Variants in UGT2B15 observed in about 807,000 individuals in gnomAD.
The protein encoded by UGT2B15 is UDP-glucuronosyltransferase 2B15.
In UGT2B15, 36 loss-of-function variants were observed where a neutral mutation model predicts 45.9. The ratio of observed to expected loss-of-function variants is 0.78; its 90% confidence interval spans 0.60 to 1.04. The LOEUF is 1.04. UGT2B15 is among the 50% of genes least tolerant of loss of function. The pLI, the probability that UGT2B15 is intolerant of heterozygous loss-of-function variation, is 0.00. For synonymous variants in UGT2B15, 219 were observed against 216.4 expected (o/e 1.01, Z -0.11); for missense variants, 617 against 622.4 (o/e 0.99, Z 0.09).
chr4:68,654,935 T>C (rs1208934463), intron 4 of UGT2B15, among the ~76,000 whole-genome samples, 160 bp downstream of exon 4: 3 of 152,144 alleles, frequency 2.0e-5, no homozygotes, highest in Admixed American at 6.6e-5. Flanking sequence ...TAGTGCATTC[T>C]TTTTATACTA....
intron 4 of UGT2B15, among the ~76,000 whole-genome samples, chr4:68,654,884 C>T (rs530641740): frequency 2.6e-5 from 4 of 152,042 alleles, no homozygotes; most frequent in African/African-American, 9.6e-5. Context: ...TTATTCTGAC[C>T]ATAAAGAATG....
In UGT2B15 at chr4:68,668,105, G is replaced by A. The variant is rs1478326656; in HGVS notation, c.808C>T (p.Pro270Ser). ...RTYWDFEFPR[P>S]FLPNVDFVGG... is the part of the protein sequence containing the mutation. ...ACAAAATCAACATTTGGTAAGAATG[G>A]GCGAGGAAATTCAAAATCCCAATAG... Residue 270 changes from proline (P) to serine (S), a missense_variant, in exon 2 of 6, where the codon CCA becomes TCA. Coordinates refer to ENST00000338206, the MANE Select transcript of UGT2B15 (RefSeq NM_001076.4). The A allele has an allele frequency of 1.9e-6, 3 of 1,613,760 alleles. No individual in the cohort carries two copies. The highest frequency in any genetic ancestry group is 2.7e-5 in the African/African-American group (2 of 74,856).
intron 1 of UGT2B15, 32 bp downstream of exon 1, chr4:68,669,863 C>G: frequency 6.4e-7 from 1 of 1,564,026 alleles, no homozygotes; most frequent in South Asian, 1.2e-5. Context: ...AAAGTTAGAA[C>G]TTAATAAGCA....
chr4:68,652,838 G>A (rs1302637571), intron 5 of UGT2B15, among the ~76,000 whole-genome samples: 1 of 151,700 alleles, frequency 6.6e-6, no homozygotes, highest in Non-Finnish European at 1.5e-5. Context: ...AATAGAAAAA[G>A]ACAAAATATT....
At chr4:68,660,736 G>A (rs1427024818) in intron 3 of UGT2B15, among the ~76,000 whole-genome samples, 2 of 151,886 alleles carry the variant, frequency 1.3e-5, no homozygotes, top group Non-Finnish European at 2.9e-5. Context: ...CTTCAAAATA[G>A]TGTCTTCAGG....
chr4:68,652,362 C>A (rs1382213162), intron 5 of UGT2B15, among the ~76,000 whole-genome samples: 1 of 151,788 alleles, frequency 6.6e-6, no homozygotes. Context: ...TATTTGAATA[C>A]CCTTTATTTC....
In UGT2B15 at chr4:68,670,280, T is replaced by C. The variant is rs558921173; in HGVS notation, c.339A>G (p.Leu113=). Residue 113 remains leucine (L), a synonymous_variant, in exon 1 of 6, where the codon TTA becomes TTG. Coordinates refer to ENST00000338206, the MANE Select transcript of UGT2B15 (RefSeq NM_001076.4). Reference sequence around the variant, plus strand: ...CATAATATTCCCAACACAATTCTTGTAATTGTGAAAAATATGACCAAAATG... The same window carrying C: ...CATAATATTCCCAACACAATTCTTGCAATTGTGAAAAATATGACCAAAATG... ...KNTFWSYFSQ[L]QELCWEYYDY... is the part of the protein sequence containing the mutation. The C allele has an allele frequency of 6.2e-7, 1 of 1,614,092 alleles. No individual in the cohort carries two copies. Among genetic ancestry groups the C allele is most frequent in the African/African-American group, 1.3e-5 (1 of 75,038 alleles).
At chr4:68,649,074 TTTG>T (rs1732572252) in intron 5 of UGT2B15, among the ~76,000 whole-genome samples, 1 of 151,922 alleles carries the variant, frequency 6.6e-6, no homozygotes, top group South Asian at 2.1e-4. Context: ...ATTAGAATTT[TTTG>T]TTGACTGAAT....
Position 68,646,997 on chromosome 4 carries a change from A to G in UGT2B15, c.*107T>C. 2 of 1,491,446 alleles carry G rather than the reference A, an allele frequency of 1.3e-6. No homozygotes were observed. Among genetic ancestry groups the G allele is most frequent in the Non-Finnish European group, 1.8e-6 (2 of 1,113,024 alleles). 92.4% of individuals were successfully genotyped at this position (1,491,446 alleles called of 1,614,324 possible). A position where few individuals can be genotyped will look rare whatever the true frequency, so the allele number is the denominator to read the frequency against. On this transcript the variant is annotated 3_prime_UTR_variant, in exon 6 of 6. Coordinates refer to ENST00000338206, the MANE Select transcript of UGT2B15 (RefSeq NM_001076.4). ...TGTCTTAACAAGGTAAGTTGTGAAA[A>G]GATGTTTTGTCACAGGAAAAAGGAA...
At chr4:68,652,626 G>T (rs929646305) in intron 5 of UGT2B15, among the ~76,000 whole-genome samples, 1 of 151,084 alleles carries the variant, frequency 6.6e-6, no homozygotes, top group Non-Finnish European at 1.5e-5. Context: ...ATTTTTCATA[G>T]TATTTCCTTT....
Position 68,670,273 on chromosome 4 carries a change from A to T in UGT2B15, c.346T>A (p.Leu116Met). The change falls in exon 1 of 6, where the codon TTG becomes ATG. Residue 116 changes from leucine to methionine, a missense_variant. Coordinates refer to ENST00000338206, the MANE Select transcript of UGT2B15 (RefSeq NM_001076.4). ...FWSYFSQLQE[L>M]CWEYYDYSNK... ...CTGTAGTCATAATATTCCCAACACA[A>T]TTCTTGTAATTGTGAAAAATATGAC... The T allele has an allele frequency of 6.2e-7, 1 of 1,614,090 alleles. No homozygotes were observed. Among genetic ancestry groups the T allele is most frequent in the Non-Finnish European group, 8.5e-7 (1 of 1,179,986 alleles).
rs35791822 is a variant in UGT2B15 at position 68,646,877 on chromosome 4, C to A, written c.*227G>T. On this transcript the variant is annotated 3_prime_UTR_variant, in exon 6 of 6. Transcript: ENST00000338206. ...TTAACATTAGGTATATCTCCAAATGCTATCCTTCCCCCCATTGTATTTTTC... is the reference window on the plus strand; with the variant it reads ...TTAACATTAGGTATATCTCCAAATGATATCCTTCCCCCCATTGTATTTTTC... 0.2 allele frequency: 133,970 copies of A among 666,048 alleles called. 15,799 individuals are homozygous for A. Among genetic ancestry groups the A allele is most frequent in the Admixed American group, 0.26 (8,121 of 30,892 alleles). 41.3% of individuals were successfully genotyped at this position (666,048 alleles called of 1,614,324 possible).
chr4:68,651,270 T>C (rs1396668265), intron 5 of UGT2B15, among the ~76,000 whole-genome samples: 2 of 152,128 alleles, frequency 1.3e-5, no homozygotes, highest in Admixed American at 1.3e-4. Flanking sequence ...TCTCCTAGAG[T>C]TTTTATGGTT....
chr4:68,670,036 C>A lies in UGT2B15; in HGVS notation c.583G>T (p.Val195Leu), dbSNP rs143136322. 1.9e-6 allele frequency: 3 copies of A among 1,614,010 alleles called. No individual in the cohort carries two copies. Among genetic ancestry groups the A allele is most frequent in the Non-Finnish European group, 2.5e-6 (3 of 1,179,962 alleles). The change falls in exon 1 of 6, where the codon GTA (valine) becomes TTA (leucine). Residue 195 changes from valine (V) to leucine (L), a missense_variant. Val to Leu is a conservative substitution (Grantham distance 32). This residue lies in a region of UGT2B15 where 351 missense variants were observed against 342.1 expected (regional missense o/e 1.03). Coordinates refer to ENST00000338206, the MANE Select transcript of UGT2B15 (RefSeq NM_001076.4). Reference sequence around the variant, plus strand: ...CTTAATTCTGACATAACAACAGGTACATAGGAAGGAGGGAACAGAAATCCT... The same window carrying A: ...CTTAATTCTGACATAACAACAGGTAAATAGGAAGGAGGGAACAGAAATCCT... ...GGGFLFPPSYVPVVMSELSDQ... is the reference protein window; with the variant it reads ...GGGFLFPPSYLPVVMSELSDQ...
At chr4:68,658,933 A>G (rs903198111) in intron 3 of UGT2B15, among the ~76,000 whole-genome samples, 5 of 152,052 alleles carry the variant, frequency 3.3e-5, no homozygotes, top group Admixed American at 6.6e-5. Context: ...GAGATAAGTT[A>G]GTTTATTTAC....
rs191029526 is a variant in UGT2B15 at position 68,656,706 on chromosome 4, C to T, written c.1006-1524G>A. On this transcript the variant is annotated intron_variant, in intron 3 of 5. Coordinates refer to ENST00000338206, the MANE Select transcript of UGT2B15 (RefSeq NM_001076.4). ...AAAATCTAGAGAAGGCTTCTAATGA[C>T]TTGAACTCTTTTAAAGAATTCAGAA... 4.8e-3 allele frequency among the ~76,000 whole-genome samples: 723 copies of T among 151,976 alleles called. 10 individuals are homozygous for T. Among genetic ancestry groups the T allele is most frequent in the African/African-American group, 0.016 (672 of 41,298 alleles).
At chr4:68,662,689 A>C (rs1463552434) in intron 3 of UGT2B15, among the ~76,000 whole-genome samples, 2 of 151,746 alleles carry the variant, frequency 1.3e-5, no homozygotes, top group African/African-American at 4.8e-5. Context: ...CCTGTAAACC[A>C]AAAGGAGCAA....
chr4:68,670,350 A>G lies in UGT2B15; in HGVS notation c.269T>C (p.Leu90Pro). ...SLTKNYLEDS[L>P]LKILDRWIYG... ...TATCCATCTATCGAGAATTTTCAGA[A>G]GAGAATCTTCCAAATAATTTTTAGT... The change falls in exon 1 of 6, where the codon CTT becomes CCT. Residue 90 changes from leucine (L) to proline (P), a missense_variant. Transcript: ENST00000338206. 1.2e-6 allele frequency: 2 copies of G among 1,613,428 alleles called. No individual in the cohort carries two copies. Among genetic ancestry groups the G allele is most frequent in the Non-Finnish European group, 1.7e-6 (2 of 1,179,852 alleles).
chr4:68,665,041 A>G (rs574795878), intron 2 of UGT2B15, among the ~76,000 whole-genome samples: 1 of 152,248 alleles, frequency 6.6e-6, no homozygotes, highest in Admixed American at 6.5e-5. Context: ...AAGTAATAAA[A>G]CATCTATTTA....
Sources: gnomAD v4.1 joint callset for allele counts (sites outside exome capture counted in the v4.1 genomes callset) on GRCh38, gnomAD v4.1.1 for gene constraint, gnomAD v4.1.1 regional missense constraint, MANE v1.5 for transcripts, NCBI Gene and HGNC (gene_info 2026-07-23, HGNC 2026-07-21) for gene names.